SLC35F4: variants seen among roughly 807,000 people sequenced by gnomAD.
SLC35F4 encodes the protein solute carrier family 35 member F4.
SLC35F4 carries 24 observed loss-of-function variants against 44.2 expected under a neutral mutation model. That is an observed-to-expected ratio of 0.54 (90% CI 0.39 to 0.76). The LOEUF (loss-of-function observed/expected upper bound fraction) is 0.76. SLC35F4 is among the 30% of genes least tolerant of loss of function. SLC35F4 has a pLI of 0.00. For synonymous variants in SLC35F4, 238 were observed against 223.6 expected (o/e 1.06, Z -0.57); for missense variants, 562 against 586.1 (o/e 0.96, Z 0.42).
intron 2 of SLC35F4, 83 bp from the exon 3 acceptor site, chr14:57,589,596 G>A: frequency 1.5e-6 from 2 of 1,343,656 alleles, no homozygotes; most frequent in Non-Finnish European, 2.0e-6. Context: ...AAAAAAGATG[G>A]ATGAAACCAA....
chr14:57,878,727 T>C (rs75011942), intron 1 of SLC35F4, among the ~76,000 whole-genome samples: 10,344 of 151,388 alleles, frequency 0.068, 433 homozygotes, highest in Middle Eastern at 0.14. Context: ...GACAACCGCA[T>C]TTTTTTTTAT....
intron 1 of SLC35F4, among the ~76,000 whole-genome samples, chr14:57,743,197 G>T (rs935590365): frequency 3.3e-5 from 5 of 152,138 alleles, no homozygotes; most frequent in African/African-American, 1.2e-4. Context: ...TCCAAAGCTA[G>T]CAGAAGGCAA....
chr14:57,834,222 G>C (rs1441759436), intron 1 of SLC35F4, among the ~76,000 whole-genome samples: 1 of 152,168 alleles, frequency 6.6e-6, no homozygotes, highest in Admixed American at 6.5e-5. Flanking sequence ...TAAAAATTGA[G>C]AAAGAGTGGG....
rs116986844 is a variant in SLC35F4 at position 57,814,181 on chromosome 14, A to T, written c.103+51542T>A. Among the ~76,000 whole-genome samples the T allele has an allele frequency of 5.8e-3, 884 of 152,368 alleles. 6 individuals carry two copies. The highest frequency in any genetic ancestry group is 1.0e-2 in the Non-Finnish European group (680 of 68,034). On this transcript the variant is annotated intron_variant, in intron 1 of 7. Transcript: ENST00000556826. ...TGCTAGCTATCTCTTGATAGCTGCT[A>T]GCATTTGTCAGAGCCCTTTTCACAT...
At chr14:57,858,231 G>A (rs1274477968) in intron 1 of SLC35F4, among the ~76,000 whole-genome samples, 9 of 152,040 alleles carry the variant, frequency 5.9e-5, no homozygotes, top group Non-Finnish European at 8.8e-5. Context: ...ACATGCACAC[G>A]TATGTTTATT....
intron 1 of SLC35F4, among the ~76,000 whole-genome samples, chr14:57,850,289 C>T (rs1886438786): frequency 6.6e-6 from 1 of 152,210 alleles, no homozygotes; most frequent in Admixed American, 6.5e-5. Flanking sequence ...TGCTGCCTTA[C>T]ACATCAGCAT....
intron 1 of SLC35F4, among the ~76,000 whole-genome samples, chr14:57,765,054 C>T (rs898630528): frequency 3.9e-5 from 6 of 152,138 alleles, no homozygotes; most frequent in South Asian, 2.1e-4. Flanking sequence ...CTGATCTAGG[C>T]GCTGCTAACA....
chr14:57,951,107 T>A (rs918920104), intron 1 of SLC35F4, among the ~76,000 whole-genome samples: 4 of 152,120 alleles, frequency 2.6e-5, no homozygotes, highest in African/African-American at 9.7e-5. Context: ...GGCACCTGGC[T>A]CATCTCATTG....
At chr14:57,701,962 G>A (rs1254266770) in intron 1 of SLC35F4, among the ~76,000 whole-genome samples, 1 of 152,090 alleles carries the variant, frequency 6.6e-6, no homozygotes, top group Non-Finnish European at 1.5e-5. Context: ...TCTAGGAATG[G>A]GAAGGAGACT....
At chr14:57,623,520 C>T (rs1381693814) in intron 1 of SLC35F4, among the ~76,000 whole-genome samples, 1 of 152,190 alleles carries the variant, frequency 6.6e-6, no homozygotes, top group Non-Finnish European at 1.5e-5. Context: ...CTTCTCAGCA[C>T]CACATTGCAC....
chr14:57,924,776 C>G (rs542010524), intron 1 of SLC35F4, among the ~76,000 whole-genome samples: 1 of 151,708 alleles, frequency 6.6e-6, no homozygotes, highest in African/African-American at 2.4e-5. Flanking sequence ...TCCTTCCTTC[C>G]TTTCTTTCTT....
chr14:57,957,919 G>A (rs1297182968), intron 1 of SLC35F4, among the ~76,000 whole-genome samples: 1 of 151,986 alleles, frequency 6.6e-6, no homozygotes, highest in Non-Finnish European at 1.5e-5. Context: ...ATTTCCCCTA[G>A]GAACAATGAT....
intron 1 of SLC35F4, among the ~76,000 whole-genome samples, chr14:57,645,421 T>C (rs2073458390): frequency 6.6e-6 from 1 of 151,940 alleles, no homozygotes; most frequent in South Asian, 2.1e-4. Flanking sequence ...GGCTCTCTGT[T>C]TGTCTGTTAT....
chr14:57,836,301 G>T (rs947583744), intron 1 of SLC35F4, among the ~76,000 whole-genome samples: 1 of 151,996 alleles, frequency 6.6e-6, no homozygotes, highest in African/African-American at 2.4e-5. Context: ...TTGATTGATT[G>T]ATTGATTGAT....
At chr14:57,897,109 G>T (rs1888890758) in intron 1 of SLC35F4, among the ~76,000 whole-genome samples, 1 of 152,104 alleles carries the variant, frequency 6.6e-6, no homozygotes, top group African/African-American at 2.4e-5. Flanking sequence ...GGATTCTAAG[G>T]AATTTTTCTT....
upstream of SLC35F4, among the ~76,000 whole-genome samples, chr14:57,866,846 C>T (rs1286439552): frequency 1.3e-5 from 2 of 151,774 alleles, no homozygotes; most frequent in Non-Finnish European, 2.9e-5. Context: ...GAGCGAACAC[C>T]CTCCCCTCAG....
chr14:57,566,408 C>A (rs998920672), intron 7 of SLC35F4, 67 bp downstream of exon 7: 1 of 1,453,412 alleles, frequency 6.9e-7, no homozygotes, highest in African/African-American at 1.4e-5. Context: ...CAACTCAGGA[C>A]ACAGAACAAA....
intron 1 of SLC35F4, among the ~76,000 whole-genome samples, chr14:57,726,276 G>A (rs1447132494): frequency 6.6e-6 from 1 of 152,062 alleles, no homozygotes; most frequent in Non-Finnish European, 1.5e-5. Flanking sequence ...AGACCCTTCA[G>A]GAATGAAGGT....
At chr14:57,811,486 C>T (rs1881961307) in intron 1 of SLC35F4, among the ~76,000 whole-genome samples, 1 of 152,034 alleles carries the variant, frequency 6.6e-6, no homozygotes, top group Non-Finnish European at 1.5e-5. Context: ...TTCAAAGGAC[C>T]ACCACAGATG....
Sources: gnomAD v4.1 joint callset for allele counts (sites outside exome capture counted in the v4.1 genomes callset) on GRCh38, gnomAD v4.1.1 for gene constraint, MANE v1.5 for transcripts, NCBI Gene and HGNC (gene_info 2026-07-23, HGNC 2026-07-21) for gene names.